Variants in AGBL1 observed in about 807,000 individuals in gnomAD.
AGBL1 encodes cytosolic carboxypeptidase 4.
A neutral mutation model predicts 118.9 loss-of-function variants in AGBL1; 130 were observed. The observed-to-expected ratio is 1.09, with a 90% confidence interval of 0.95 to 1.26. The LOEUF is 1.26. AGBL1 is among the 50% of genes most tolerant of loss of function. The pLI, the probability that AGBL1 is intolerant of heterozygous loss-of-function variation, is 0.00. For missense variants in AGBL1, 1,584 were observed against 1,298.1 expected (o/e 1.22, Z -3.38); for synonymous variants, 555 against 478.9 (o/e 1.16, Z -2.08).
At chr15:86,655,801 G>T (rs949047769) in intron 21 of AGBL1, among the ~76,000 whole-genome samples, 1 of 152,174 alleles carries the variant, frequency 6.6e-6, no homozygotes, top group Non-Finnish European at 1.5e-5. Context: ...GAAATACCTG[G>T]GAGAGGTGGA....
chr15:86,845,820 C>T (rs1422029372), intron 22 of AGBL1, among the ~76,000 whole-genome samples: 1 of 152,134 alleles, frequency 6.6e-6, no homozygotes, highest in African/African-American at 2.4e-5. Context: ...TTTGGTAAAT[C>T]TGGTAAATAT....
At chr15:86,254,063 C>G (rs1230652672) in intron 7 of AGBL1, among the ~76,000 whole-genome samples, 2 of 152,108 alleles carry the variant, frequency 1.3e-5, no homozygotes, top group Non-Finnish European at 2.9e-5. Context: ...GGAATTTAAA[C>G]CCAGGACTTT....
intron 5 of AGBL1, among the ~76,000 whole-genome samples, chr15:86,160,704 T>C (rs2077255942): frequency 1.3e-5 from 2 of 152,188 alleles, no homozygotes; most frequent in African/African-American, 4.8e-5. Context: ...GTTCAGAAGG[T>C]CAGGAATATC....
At chr15:86,102,131 C>A (rs758851427) in intron 1 of AGBL1, among the ~76,000 whole-genome samples, 2 of 151,880 alleles carry the variant, frequency 1.3e-5, no homozygotes, top group African/African-American at 2.4e-5. Flanking sequence ...ACCTCCGCCT[C>A]CCAGGTTCAA....
chr15:86,657,813 C>A (rs764364747), intron 21 of AGBL1, among the ~76,000 whole-genome samples: 4 of 151,198 alleles, frequency 2.6e-5, no homozygotes, highest in Non-Finnish European at 5.9e-5. Context: ...CTGGGGTAGA[C>A]CAGAACAGGG....
intron 5 of AGBL1, among the ~76,000 whole-genome samples, chr15:86,196,641 T>G (rs2077807296): frequency 6.6e-6 from 1 of 152,162 alleles, no homozygotes. Flanking sequence ...AACAACGTTT[T>G]CTAAAGAAAT....
chr15:86,708,910 C>G (rs2086504354), intron 22 of AGBL1, among the ~76,000 whole-genome samples: 1 of 152,106 alleles, frequency 6.6e-6, no homozygotes, highest in Non-Finnish European at 1.5e-5. Context: ...TGTTGCTTCA[C>G]TTCCACTGCT....
At chr15:86,522,668 C>A in intron 18 of AGBL1, 142 bp from the exon 19 acceptor site, 2 of 1,029,710 alleles carry the variant, frequency 1.9e-6, no homozygotes, top group Non-Finnish European at 2.8e-6. Context: ...GCTTTCTAGA[C>A]ATCTGAAATT....
At chr15:86,222,040 A>G (rs544606025) in intron 5 of AGBL1, among the ~76,000 whole-genome samples, 1 of 152,150 alleles carries the variant, frequency 6.6e-6, no homozygotes, top group African/African-American at 2.4e-5. Flanking sequence ...CAGGTCTCCT[A>G]GTTCCTCAAA....
At chr15:86,832,067 C>T (rs1043163157) in intron 22 of AGBL1, among the ~76,000 whole-genome samples, 4 of 152,222 alleles carry the variant, frequency 2.6e-5, no homozygotes, top group Admixed American at 6.5e-5. Context: ...AGCTCTATGT[C>T]GGCCCCTTTT....
chr15:86,550,255 C>T (rs1159215095), intron 20 of AGBL1, among the ~76,000 whole-genome samples: 2 of 151,958 alleles, frequency 1.3e-5, no homozygotes, highest in African/African-American at 4.8e-5. Context: ...AATCAAACAA[C>T]AAAATGGCAA....
intron 23 of AGBL1, among the ~76,000 whole-genome samples, chr15:86,950,472 G>T (rs1003726833): frequency 2.0e-5 from 3 of 149,576 alleles, no homozygotes; most frequent in African/African-American, 7.3e-5. Context: ...AAATAAGAAA[G>T]AAGATTTCAT....
At position 86,911,215 on chromosome 15, in the gene AGBL1, CT is replaced by C. The variant is rs1567235691; in HGVS notation, c.*3922del. ...CCTGTACCAACTGTCATCCGGTGCT[CT>C]GCATGCAGGACTGGAACTGGGGCTG... On this transcript the variant is annotated 3_prime_UTR_variant, in exon 23 of 23. Coordinates refer to ENST00000614907, the MANE Select transcript of AGBL1 (RefSeq NM_001386094.1). The C allele has an allele frequency of 6.5e-6, 1 of 152,796 alleles. No individual in the cohort carries two copies. The highest frequency in any genetic ancestry group is 2.4e-5 in the African/African-American group (1 of 41,448). The allele number at this position is 152,796 out of a possible 1,614,324, so 9.5% of individuals were successfully genotyped here.
At chr15:86,636,586 TAAAAC>T (rs2085090129) in intron 21 of AGBL1, among the ~76,000 whole-genome samples, 1 of 149,326 alleles carries the variant, frequency 6.7e-6, no homozygotes, top group South Asian at 2.1e-4. Flanking sequence ...AAATACATTT[TAAAAC>T]AAATTCATCA....
intron 5 of AGBL1, among the ~76,000 whole-genome samples, chr15:86,165,779 C>T (rs922964386): frequency 6.6e-6 from 1 of 152,012 alleles, no homozygotes; most frequent in Non-Finnish European, 1.5e-5. Context: ...ATTCAAATAC[C>T]TTGGAACAGG....
chr15:86,191,892 G>C (rs753813965), intron 5 of AGBL1, among the ~76,000 whole-genome samples: 43 of 148,346 alleles, frequency 2.9e-4, no homozygotes, highest in Non-Finnish European at 5.8e-4. Context: ...GGGCAACATA[G>C]ACCCTGTCTC....
At chr15:86,168,474 C>T (rs1597486170) in intron 5 of AGBL1, among the ~76,000 whole-genome samples, 1 of 151,994 alleles carries the variant, frequency 6.6e-6, no homozygotes, top group Admixed American at 6.6e-5. Flanking sequence ...AAACTATGTC[C>T]TAAAAATTCA....
intron 22 of AGBL1, among the ~76,000 whole-genome samples, chr15:86,848,874 G>C (rs575397066): frequency 6.6e-6 from 1 of 152,124 alleles, no homozygotes; most frequent in African/African-American, 2.4e-5. Flanking sequence ...AATATTTCTC[G>C]AGTACTTTCC....
At chr15:86,770,317 G>A (rs572153537) in intron 22 of AGBL1, among the ~76,000 whole-genome samples, 3 of 151,788 alleles carry the variant, frequency 2.0e-5, no homozygotes, top group African/African-American at 7.3e-5. Flanking sequence ...GGTTGATTTT[G>A]CATCCCCGCA....
Sources: allele counts gnomAD v4.1 joint callset (sites outside exome capture counted in the v4.1 genomes callset), GRCh38; gene constraint gnomAD v4.1.1; transcripts MANE v1.5; gene names NCBI Gene and HGNC (gene_info 2026-07-23, HGNC 2026-07-21).